CALB2: variants seen among roughly 807,000 people sequenced by gnomAD.
CALB2 encodes calbindin 2, also known as calretinin.
A neutral mutation model predicts 45.9 loss-of-function variants in CALB2; 34 were observed. The ratio of observed to expected loss-of-function variants is 0.74; its 90% confidence interval spans 0.56 to 0.99. The LOEUF is 0.99. Ranked by LOEUF, CALB2 falls within the 50% of genes least tolerant of loss-of-function variation. The pLI is 0.00. For missense variants in CALB2, 344 were observed against 339.3 expected (o/e 1.01, Z -0.11); for synonymous variants, 142 against 129.6 (o/e 1.10, Z -0.65).
At chr16:71,377,197 G>C (rs893805619) in intron 3 of CALB2, among the ~76,000 whole-genome samples, 3 of 152,176 alleles carry the variant, frequency 2.0e-5, no homozygotes, top group Non-Finnish European at 2.9e-5. Context: ...GCATCCATTT[G>C]AAGTGTAAAA....
At chr16:71,377,858 C>T in intron 4 of CALB2, 111 bp downstream of exon 4, 2 of 695,820 alleles carry the variant, frequency 2.9e-6, no homozygotes, top group Non-Finnish European at 2.5e-6. Context: ...ATGCTAAACC[C>T]CTTAGAGCTC....
In CALB2 at chr16:71,384,779, G is replaced by C; in HGVS notation, c.574-4G>C. ...TTCTGTCTTTAATACCCTGGTTCTT[G>C]CAGGGCATGAAGCTGACCTCAGAGG... On this transcript the variant is annotated splice_region_variant and splice_polypyrimidine_tract_variant and intron_variant, in intron 8 of 10. Coordinates refer to ENST00000302628, the MANE Select transcript of CALB2 (RefSeq NM_001740.5). 7.1e-7 allele frequency: 1 copy of C among 1,414,112 alleles called. No individual in the cohort carries two copies. The highest frequency in any genetic ancestry group is 1.3e-5 in the South Asian group (1 of 76,268). The allele number at this position is 1,414,112 out of a possible 1,614,324, so 87.6% of individuals were successfully genotyped here.
Position 71,389,739 on chromosome 16 carries a change from T to C in CALB2, c.700-10T>C. The C allele has an allele frequency of 6.2e-7, 1 of 1,605,252 alleles. No individual in the cohort carries two copies. The highest frequency in any genetic ancestry group is 8.5e-7 in the Non-Finnish European group (1 of 1,172,278). ...TGAACCTGCTCTTACCCTCTCCCTG[T>C]ATTTCCTAGGAAATGAATATTCAAC... On this transcript the variant is annotated splice_polypyrimidine_tract_variant and intron_variant, in intron 10 of 10. Coordinates refer to ENST00000302628, the MANE Select transcript of CALB2 (RefSeq NM_001740.5).
chr16:71,371,315 A>G (rs887338138), intron 1 of CALB2, among the ~76,000 whole-genome samples: 9 of 152,148 alleles, frequency 5.9e-5, no homozygotes, highest in Non-Finnish European at 4.4e-5. Context: ...GTGACATCCC[A>G]TAGGACAGAT....
At chr16:71,388,313 G>A (rs1336771508) in intron 10 of CALB2, among the ~76,000 whole-genome samples, 6 of 121,682 alleles carry the variant, frequency 4.9e-5, no homozygotes, top group Non-Finnish European at 8.1e-5. Flanking sequence ...CAGCCTGGGT[G>A]ACAAGAGCAA....
chr16:71,375,197 T>C (rs919243304), intron 3 of CALB2, among the ~76,000 whole-genome samples: 15 of 152,256 alleles, frequency 9.9e-5, no homozygotes, highest in African/African-American at 3.6e-4. Context: ...TTAAAAGTTA[T>C]ATACATAATT....
At chr16:71,382,291 C>T (rs1229907629) in intron 4 of CALB2, among the ~76,000 whole-genome samples, 1 of 152,222 alleles carries the variant, frequency 6.6e-6, no homozygotes, top group Non-Finnish European at 1.5e-5. Context: ...CCCTCCCCTG[C>T]ACCACTGCCC....
At position 71,380,292 on chromosome 16, in the gene CALB2, C is replaced by CTTTTTTTTTTT. The variant is rs544138378; in HGVS notation, c.343-2402_343-2392dup. On this transcript the variant is annotated intron_variant, in intron 4 of 10. Coordinates refer to ENST00000302628, the MANE Select transcript of CALB2 (RefSeq NM_001740.5). ...CTTTCTTTCTTCTTTCCTTCCTTTT[C>CTTTTTTTTTTT]TTTTTTTTTTTTTTTTTTTTTTTTT... is the stretch of plus-strand genomic sequence containing the variant. Among the ~76,000 whole-genome samples, 10 of 43,794 alleles carry CTTTTTTTTTTT rather than the reference C, an allele frequency of 2.3e-4. 1 individual carries two copies. The highest frequency in any genetic ancestry group is 1.2e-3 in the East Asian group (1 of 846). The allele number at this position is 43,794 out of a possible 152,430, so 28.7% of individuals were successfully genotyped here.
At chr16:71,375,434 C>T (rs78054882) in intron 3 of CALB2, among the ~76,000 whole-genome samples, 3,509 of 152,200 alleles carry the variant, frequency 0.023, 135 homozygotes, top group African/African-American at 0.077. Context: ...GGCCGGACTC[C>T]GTGGCCCATG....
At position 71,372,946 on chromosome 16, in the gene CALB2, T is replaced by C. The variant is rs2042369744; in HGVS notation, c.171+717T>C. Among the ~76,000 whole-genome samples the C allele has an allele frequency of 2.0e-5, 3 of 152,306 alleles. No homozygotes were observed. The South Asian group carries it at 6.2e-4, about 32-fold the overall frequency. Reference sequence around the variant, plus strand: ...AGACGGCACTGGCTGGCCTCATTTGTGGTGGTGTCACGACCTTCTGAGCCT... The same window carrying C: ...AGACGGCACTGGCTGGCCTCATTTGCGGTGGTGTCACGACCTTCTGAGCCT... On this transcript the variant is annotated intron_variant, in intron 2 of 10. Transcript: ENST00000302628.
intron 4 of CALB2, among the ~76,000 whole-genome samples, chr16:71,380,287 CTTTTCTTTTTTTTTTTTTTTTTTTT>C (rs2042473988): frequency 1.1e-5 from 1 of 87,096 alleles, no homozygotes; most frequent in Non-Finnish European, 2.3e-5. Context: ...TCTTTCCTTC[CTTTTCTTTTTTTTTTTTTTTTTTTT>C]TTTTTTTTTT....
At chr16:71,383,475 G>A (rs758582606) in intron 6 of CALB2, 31 bp downstream of exon 6, 7 of 1,605,510 alleles carry the variant, frequency 4.4e-6, no homozygotes, top group Non-Finnish European at 5.1e-6. Context: ...CTCTCCCCCA[G>A]GGTGCAGGAC....
intron 2 of CALB2, among the ~76,000 whole-genome samples, chr16:71,372,496 T>TATATTA (rs2042364069): frequency 1.3e-5 from 2 of 152,208 alleles, no homozygotes; most frequent in Non-Finnish European, 2.9e-5. Flanking sequence ...TGCGTATGCG[T>TATATTA]ATATTAATAT....
rs779407086 is a variant in CALB2, at chr16:71,374,743, A to G, written c.172-2A>G. The G allele has an allele frequency of 6.2e-7, 1 of 1,606,492 alleles. No individual in the cohort carries two copies. The highest frequency in any genetic ancestry group is 8.5e-7 in the Non-Finnish European group (1 of 1,173,216). On this transcript the variant is annotated splice_acceptor_variant, in intron 2 of 10. Transcript: ENST00000302628. LOFTEE classifies it high-confidence loss of function. ...AAATCAGCCCCCTTTGTCTTTCCACAGATGTCAAAGAGTGACAACTTTGGA... is the reference window on the plus strand; with the variant it reads ...AAATCAGCCCCCTTTGTCTTTCCACGGATGTCAAAGAGTGACAACTTTGGA...
intron 8 of CALB2, 39 bp downstream of exon 8, chr16:71,384,417 CCT>C: frequency 6.4e-7 from 1 of 1,572,120 alleles, no homozygotes; most frequent in Non-Finnish European, 8.7e-7. Flanking sequence ...TTCCCTCATC[CCT>C]CTGAGCCTGG....
chr16:71,372,110 A>C, intron 1 of CALB2, 43 bp from the exon 2 acceptor site: 2 of 1,169,610 alleles, frequency 1.7e-6, no homozygotes, highest in Non-Finnish European at 2.5e-6. Flanking sequence ...TGCCCCCCTT[A>C]CTATTTAGTG....
intron 10 of CALB2, among the ~76,000 whole-genome samples, chr16:71,388,029 T>C (rs759962458): frequency 9.2e-5 from 14 of 152,200 alleles, no homozygotes; most frequent in Non-Finnish European, 1.8e-4. Flanking sequence ...GGGCTCATGC[T>C]TGGATTACAG....
At chr16:71,376,472 C>T (rs2042412894) in intron 3 of CALB2, among the ~76,000 whole-genome samples, 2 of 152,162 alleles carry the variant, frequency 1.3e-5, no homozygotes, top group Admixed American at 6.5e-5. Flanking sequence ...ATCACATCCA[C>T]ATACACCCAC....
chr16:71,366,937 G>T (rs2042294208), intron 1 of CALB2, among the ~76,000 whole-genome samples: 1 of 152,028 alleles, frequency 6.6e-6, no homozygotes, highest in Admixed American at 6.5e-5. Flanking sequence ...AGAGCAGGCG[G>T]TAGAATTATT....
Sources: allele counts gnomAD v4.1 joint callset (sites outside exome capture counted in the v4.1 genomes callset), GRCh38; gene constraint gnomAD v4.1.1; transcripts MANE v1.5; gene names NCBI Gene and HGNC (gene_info 2026-07-23, HGNC 2026-07-21).